CACNA1G: variants seen among roughly 807,000 people sequenced by gnomAD.
The protein encoded by CACNA1G is calcium voltage-gated channel subunit alpha1 G, also known as voltage-dependent T-type calcium channel subunit alpha-1G.
In CACNA1G, 67 loss-of-function variants were observed where a neutral mutation model predicts 219.4. The observed-to-expected ratio is 0.31, with a 90% CI of 0.25 to 0.37. CACNA1G has a LOEUF of 0.37. Ranked by LOEUF, CACNA1G falls within the 10% of genes least tolerant of loss-of-function variation. The pLI is 1.00. For synonymous variants in CACNA1G, 1,296 were observed against 1,345.3 expected (o/e 0.96, Z 0.80); for missense variants, 2,380 against 3,231.4 (o/e 0.74, Z 6.39).
intron 33 of CACNA1G, 119 bp from the exon 34 acceptor site, chr17:50,619,564 G>C (rs570495114): frequency 9.2e-6 from 8 of 869,814 alleles, no homozygotes; most frequent in Non-Finnish European, 1.2e-5. Flanking sequence ...GTGTTGTCTG[G>C]GTGTCACCTC....
At chr17:50,609,139 G>A (rs895039437) in intron 25 of CACNA1G, among the ~76,000 whole-genome samples, 4 of 152,164 alleles carry the variant, frequency 2.6e-5, no homozygotes, top group African/African-American at 9.7e-5. Context: ...AGGGGTTGCC[G>A]TGCCCCTGCC....
At position 50,581,193 on chromosome 17, in the gene CACNA1G, A is replaced by C. The variant is rs560368661; in HGVS notation, c.2301+2629A>C. ...AGCGGAGACAGACAGAGACAAATGGAGCCACAGAGACACACAGGGAGACAG... is the reference window on the plus strand; with the variant it reads ...AGCGGAGACAGACAGAGACAAATGGCGCCACAGAGACACACAGGGAGACAG... On this transcript the variant is annotated intron_variant, in intron 9 of 37. Transcript: ENST00000359106. Among the ~76,000 whole-genome samples, 8 of 151,694 alleles carry C rather than the reference A, an allele frequency of 5.3e-5. No individual in the cohort carries two copies. In the South Asian group the frequency reaches 1.7e-3, roughly 32 times the overall value.
At chr17:50,620,518 C>T (rs928575205) in intron 34 of CACNA1G, among the ~76,000 whole-genome samples, 2 of 152,212 alleles carry the variant, frequency 1.3e-5, no homozygotes, top group African/African-American at 2.4e-5. Context: ...CTGGGCTGTT[C>T]CTGCCCTCCT....
rs1366524954 is a variant in CACNA1G, at chr17:50,571,600, T to A, written c.587-278T>A. Among the ~76,000 whole-genome samples the A allele has an allele frequency of 1.3e-5, 2 of 152,182 alleles. No homozygotes were observed. The highest frequency in any genetic ancestry group is 3.9e-4 in the East Asian group (2 of 5,194). ...GAGTGATATTATCCACATGTGATGA[T>A]GTTGGGAGAGTTAGGAGGGGCCACA... is the stretch of plus-strand genomic sequence containing the variant. On this transcript the variant is annotated intron_variant, in intron 4 of 37. Coordinates refer to ENST00000359106, the MANE Select transcript of CACNA1G (RefSeq NM_018896.5). The surrounding 1 kb of genome is among the most constrained non-coding windows in gnomAD (Gnocchi z 4.3).
chr17:50,608,087 T>G, intron 25 of CACNA1G, 68 bp downstream of exon 25: 1 of 1,430,120 alleles, frequency 7.0e-7, no homozygotes. Flanking sequence ...GACCTTGGCC[T>G]TGCGACTGCA....
At chr17:50,599,925 C>A in intron 17 of CACNA1G, 66 bp downstream of exon 17, 1 of 1,495,160 alleles carries the variant, frequency 6.7e-7, no homozygotes, top group Non-Finnish European at 9.1e-7. Context: ...TGTGCCTGGC[C>A]TGGCAGGGTA....
intron 1 of CACNA1G, among the ~76,000 whole-genome samples, chr17:50,564,858 G>C (rs900773627): frequency 2.0e-5 from 3 of 152,094 alleles, no homozygotes; most frequent in East Asian, 1.9e-4. Flanking sequence ...TGGGATTGAG[G>C]GGGGGCCAGA....
intron 7 of CACNA1G, 50 bp downstream of exon 7, chr17:50,573,163 T>A: frequency 7.4e-7 from 1 of 1,350,492 alleles, no homozygotes; most frequent in Non-Finnish European, 1.0e-6. Context: ...TGGGGACACC[T>A]GTGGGGGCAG....
intron 9 of CACNA1G, among the ~76,000 whole-genome samples, chr17:50,585,489 G>A (rs1408224029): frequency 6.6e-6 from 1 of 152,170 alleles, no homozygotes. Flanking sequence ...TGGGGGTGCT[G>A]GTGGGGGGAA....
intron 13 of CACNA1G, among the ~76,000 whole-genome samples, 200 bp from the exon 14 acceptor site, chr17:50,594,793 T>G (rs2045157806): frequency 6.6e-6 from 1 of 152,192 alleles, no homozygotes; most frequent in African/African-American, 2.4e-5. Flanking sequence ...TTCAGATTCA[T>G]TCTGGCCTGA....
chr17:50,567,475 C>G (rs2038218683), intron 1 of CACNA1G, among the ~76,000 whole-genome samples: 1 of 152,022 alleles, frequency 6.6e-6, no homozygotes, highest in African/African-American at 2.4e-5. Context: ...CTGGGACCAG[C>G]TGGGAGGAAG....
chr17:50,621,699 G>C lies in CACNA1G; in HGVS notation c.5965G>C (p.Glu1989Gln). Residue 1989 changes from glutamate (E) to glutamine (Q), a missense_variant, in exon 35 of 38, where the codon GAG becomes CAG. Physicochemically the swap from Glu to Gln is conservative, Grantham distance 29. Transcript: ENST00000359106. The surrounding 1 kb of genome is among the most constrained non-coding windows in gnomAD (Gnocchi z 4.6). ...GATGGAGGCTCTGTCTCTGACGTCA[G>C]AGATTGTGTCTGAACCGTCCTGCTC... ...AEMEALSLTS[E>Q]IVSEPSCSLA... 6.2e-7 allele frequency: 1 copy of C among 1,614,016 alleles called. No homozygotes were observed. The highest frequency in any genetic ancestry group is 1.3e-5 in the African/African-American group (1 of 75,060).
chr17:50,606,200 C>A (rs368121192), intron 23 of CACNA1G, 177 bp downstream of exon 23: 3 of 929,802 alleles, frequency 3.2e-6, no homozygotes, highest in Non-Finnish European at 5.3e-6. Flanking sequence ...CCCACAGTGC[C>A]CCAAAAAGTG....
At chr17:50,564,108 T>C (rs1442900156) in intron 1 of CACNA1G, among the ~76,000 whole-genome samples, 2 of 138,472 alleles carry the variant, frequency 1.4e-5, no homozygotes, top group Non-Finnish European at 3.0e-5. Flanking sequence ...AGAGAGGAGA[T>C]CTAGACCCAG....
chr17:50,594,677 G>A (rs2045126263), intron 13 of CACNA1G, among the ~76,000 whole-genome samples: 1 of 152,190 alleles, frequency 6.6e-6, no homozygotes, highest in Non-Finnish European at 1.5e-5. Context: ...GTGTTAAGGA[G>A]GCAGTTTCCC....
chr17:50,561,829 G>C, intron 1 of CACNA1G, 128 bp downstream of exon 1: 1 of 771,294 alleles, frequency 1.3e-6, no homozygotes, highest in Non-Finnish European at 1.9e-6. Context: ...GGCGGATGGG[G>C]GGGGGGCTGC....
At chr17:50,611,862 C>A (rs2049281485) in intron 26 of CACNA1G, among the ~76,000 whole-genome samples, 1 of 152,198 alleles carries the variant, frequency 6.6e-6, no homozygotes, top group African/African-American at 2.4e-5. Flanking sequence ...TAAACACTCT[C>A]GTGACCCTTG....
Position 50,561,576 on chromosome 17 carries a change from G to T in CACNA1G, c.117G>T (p.Lys39Asn). 6.4e-7 allele frequency: 1 copy of T among 1,556,862 alleles called. No homozygotes were observed. Among genetic ancestry groups the T allele is most frequent in the South Asian group, 1.2e-5 (1 of 85,230 alleles). Residue 39 changes from lysine to asparagine, a missense_variant, in exon 1 of 38, where the codon AAG becomes AAT. Coordinates refer to ENST00000359106, the MANE Select transcript of CACNA1G (RefSeq NM_018896.5). ...GGRPGPGSAE[K>N]DPGSADSEAE... ...GGCCGGGGCCGGGGTCAGCAGAAAA[G>T]GACCCGGGCAGCGCGGACTCCGAGG...
chr17:50,615,232 G>A (rs373138266), intron 26 of CACNA1G, 129 bp from the exon 27 acceptor site: 5 of 939,112 alleles, frequency 5.3e-6, no homozygotes, highest in African/African-American at 3.3e-5. Flanking sequence ...TGGGGAGGGC[G>A]AGGATGGTGA....
Sources: allele counts gnomAD v4.1 joint callset (sites outside exome capture counted in the v4.1 genomes callset), GRCh38; gene constraint gnomAD v4.1.1; non-coding constraint Gnocchi (gnomAD v3.1); transcripts MANE v1.5; gene names NCBI Gene and HGNC (gene_info 2026-07-23, HGNC 2026-07-21).